The following NFIA variants were observed in gnomAD, a reference collection of about 807,000 sequenced individuals.
The protein encoded by NFIA is nuclear factor I A.
Under a neutral mutation model 62.8 loss-of-function variants are expected in NFIA, and 8 were observed. That is an observed-to-expected ratio of 0.13 (90% CI 0.07 to 0.23). NFIA has a LOEUF of 0.23. NFIA is among the 10% of genes least tolerant of loss of function. The pLI is 1.00. For synonymous variants in NFIA, 235 were observed against 238.1 expected (o/e 0.99, Z 0.12); for missense variants, 410 against 642.1 (o/e 0.64, Z 3.91).
At chr1:61,198,053 T>G (rs900336480) in intron 2 of NFIA, among the ~76,000 whole-genome samples, 3 of 152,124 alleles carry the variant, frequency 2.0e-5, no homozygotes, top group African/African-American at 7.2e-5. Flanking sequence ...CTATTCCCAC[T>G]TCAAGTAGAG....
intron 2 of NFIA, among the ~76,000 whole-genome samples, chr1:61,210,437 T>G (rs1466631953): frequency 6.6e-6 from 1 of 152,218 alleles, no homozygotes; most frequent in Non-Finnish European, 1.5e-5. Flanking sequence ...GGGCTTAAAT[T>G]ATTATCACAT....
chr1:61,365,285 CT>C (rs536525375), intron 6 of NFIA, among the ~76,000 whole-genome samples: 13 of 152,108 alleles, frequency 8.5e-5, no homozygotes, highest in Non-Finnish European at 1.8e-4. Flanking sequence ...GCATGTTACA[CT>C]TTGCAAAGCA....
chr1:61,266,265 T>C (rs1475202072), intron 2 of NFIA, among the ~76,000 whole-genome samples: 2 of 152,136 alleles, frequency 1.3e-5, no homozygotes, highest in Admixed American at 1.3e-4. Flanking sequence ...TAGAGTCTCC[T>C]CCAAACCAGA....
chr1:61,346,446 C>T (rs1411941791), intron 4 of NFIA, among the ~76,000 whole-genome samples: 1 of 152,146 alleles, frequency 6.6e-6, no homozygotes, highest in African/African-American at 2.4e-5. Context: ...GACTTAATGC[C>T]ATTATTAGTT....
At chr1:61,363,450 C>G (rs1164223598) in intron 6 of NFIA, among the ~76,000 whole-genome samples, 2 of 152,040 alleles carry the variant, frequency 1.3e-5, no homozygotes, top group African/African-American at 4.8e-5. Flanking sequence ...ACTAAAAATA[C>G]AAAATTAGCT....
intron 2 of NFIA, among the ~76,000 whole-genome samples, chr1:61,161,442 C>G (rs776268869): frequency 6.6e-6 from 1 of 152,180 alleles, no homozygotes; most frequent in Non-Finnish European, 1.5e-5. Flanking sequence ...TAGTGGACAG[C>G]TGCTTCAGTC....
chr1:61,451,887 A>G (rs914133626), intron 10 of NFIA, among the ~76,000 whole-genome samples: 1 of 152,176 alleles, frequency 6.6e-6, no homozygotes, highest in Non-Finnish European at 1.5e-5. Context: ...ATGTCACTAA[A>G]TGTCTGAGGA....
At chr1:61,322,299 A>G (rs1458517804) in intron 3 of NFIA, among the ~76,000 whole-genome samples, 1 of 152,182 alleles carries the variant, frequency 6.6e-6, no homozygotes, top group African/African-American at 2.4e-5. Flanking sequence ...TAGCTACTAT[A>G]ACAAAGCAAC....
At chr1:61,433,239 T>C (rs1361028984) in intron 10 of NFIA, among the ~76,000 whole-genome samples, 1 of 152,208 alleles carries the variant, frequency 6.6e-6, no homozygotes, top group Non-Finnish European at 1.5e-5. Context: ...AGTTCATGTC[T>C]CTGTAAAACC....
intron 2 of NFIA, among the ~76,000 whole-genome samples, chr1:61,199,980 GC>G (rs971520200): frequency 2.5e-4 from 35 of 139,842 alleles, no homozygotes; most frequent in Non-Finnish European, 4.0e-4. Flanking sequence ...GCACGACAGA[GC>G]GAGACTCCAA....
intron 2 of NFIA, among the ~76,000 whole-genome samples, chr1:61,176,966 C>T (rs1650406890): frequency 6.6e-6 from 1 of 151,974 alleles, no homozygotes; most frequent in Non-Finnish European, 1.5e-5. Context: ...ATTAGCTGGG[C>T]ATGGTGGCGG....
rs1430254646 is a variant in NFIA, at chr1:61,352,441, T to G, written c.701-9T>G. 6.3e-7 allele frequency: 1 copy of G among 1,592,522 alleles called. No homozygotes were observed. Among genetic ancestry groups the G allele is most frequent in the Non-Finnish European group, 8.6e-7 (1 of 1,162,334 alleles). On this transcript the variant is annotated splice_polypyrimidine_tract_variant and intron_variant, in intron 4 of 10. Transcript: ENST00000403491. Reference sequence around the variant, plus strand: ...TTTAACTGATTTTTGTTTGTTTTCTTAATTCTAGCACCAATAGCTGCAGGA... The same window carrying G: ...TTTAACTGATTTTTGTTTGTTTTCTGAATTCTAGCACCAATAGCTGCAGGA...
chr1:61,440,092 A>G (rs988456151), intron 10 of NFIA, among the ~76,000 whole-genome samples: 1 of 152,212 alleles, frequency 6.6e-6, no homozygotes, highest in African/African-American at 2.4e-5. Context: ...ACTGGAGTCA[A>G]TCCATATTTT....
intron 10 of NFIA, among the ~76,000 whole-genome samples, chr1:61,436,790 A>G (rs778843825): frequency 3.9e-5 from 6 of 152,184 alleles, no homozygotes; most frequent in Non-Finnish European, 7.3e-5. Context: ...CTCCCCCAAA[A>G]TATTTGCATG....
chr1:61,129,024 G>A (rs766324427), intron 2 of NFIA, among the ~76,000 whole-genome samples: 15 of 131,706 alleles, frequency 1.1e-4, no homozygotes, highest in South Asian at 5.4e-4. Flanking sequence ...CCAGATTCAC[G>A]CCATTCTCCT....
At chr1:61,213,767 ATGGTCAGAG>A (rs1653413954) in intron 2 of NFIA, among the ~76,000 whole-genome samples, 1 of 152,148 alleles carries the variant, frequency 6.6e-6, no homozygotes, top group South Asian at 2.1e-4. Flanking sequence ...GCTTGAAATA[ATGGTCAGAG>A]TGCATGTTAC....
chr1:61,347,515 A>G (rs940439390), intron 4 of NFIA, among the ~76,000 whole-genome samples: 11 of 151,990 alleles, frequency 7.2e-5, no homozygotes, highest in Admixed American at 2.0e-4. Flanking sequence ...TACTTTGTCT[A>G]TTGCCAAGAA....
chr1:61,256,125 G>A (rs908084314), intron 2 of NFIA, among the ~76,000 whole-genome samples: 20 of 151,918 alleles, frequency 1.3e-4, no homozygotes, highest in African/African-American at 4.4e-4. Context: ...AACAAAAATC[G>A]CAAAAAAATC....
At chr1:61,231,096 G>T (rs762060177) in intron 2 of NFIA, among the ~76,000 whole-genome samples, 1 of 152,300 alleles carries the variant, frequency 6.6e-6, no homozygotes, top group Non-Finnish European at 1.5e-5. Context: ...TGCATCTCTA[G>T]CATGTAGCTC....
Sources: allele counts gnomAD v4.1 joint callset (sites outside exome capture counted in the v4.1 genomes callset), GRCh38; gene constraint gnomAD v4.1.1; transcripts MANE v1.5; gene names NCBI Gene and HGNC (gene_info 2026-07-23, HGNC 2026-07-21).